SMYD3: variants seen among roughly 807,000 people sequenced by gnomAD.
SMYD3 encodes the protein SET and MYND domain containing 3, also known as histone-lysine N-methyltransferase SMYD3.
In SMYD3, 36 loss-of-function variants were observed where a neutral mutation model predicts 57.7. The observed-to-expected ratio is 0.62, with a 90% CI of 0.48 to 0.82. The LOEUF is 0.82. Ranked by LOEUF, SMYD3 falls within the 40% of genes least tolerant of loss-of-function variation. The pLI is 0.00. For missense variants in SMYD3, 515 were observed against 538.8 expected, an observed-to-expected ratio of 0.96 and a Z score of 0.44; for synonymous variants, 211 against 195.0, an observed-to-expected ratio of 1.08 and a Z score of -0.68.
intron 5 of SMYD3, among the ~76,000 whole-genome samples, chr1:246,011,258 C>T (rs149959701): frequency 6.6e-6 from 1 of 152,300 alleles, no homozygotes; most frequent in East Asian, 1.9e-4. Flanking sequence ...TCAAACACCA[C>T]CTTCCTCCTC....
At chr1:246,482,694 T>C (rs77179627) in intron 1 of SMYD3, among the ~76,000 whole-genome samples, 3,829 of 152,256 alleles carry the variant, frequency 0.025, 175 homozygotes, top group African/African-American at 0.085. Context: ...AAAAGACATA[T>C]AATTTTGGCC....
At chr1:246,360,748 A>G (rs2065974910) in intron 1 of SMYD3, among the ~76,000 whole-genome samples, 1 of 152,130 alleles carries the variant, frequency 6.6e-6, no homozygotes, top group Admixed American at 6.5e-5. Flanking sequence ...CAAGCCACCT[A>G]TAGAAGAATG....
intron 1 of SMYD3, among the ~76,000 whole-genome samples, chr1:246,446,282 A>C (rs2067550751): frequency 6.6e-6 from 1 of 152,218 alleles, no homozygotes; most frequent in African/African-American, 2.4e-5. Flanking sequence ...GTAAGCAGAG[A>C]ATCAAAGACA....
intron 8 of SMYD3, among the ~76,000 whole-genome samples, chr1:245,911,406 T>A (rs1006796862): frequency 6.6e-5 from 10 of 151,696 alleles, no homozygotes; most frequent in Admixed American, 5.9e-4. Flanking sequence ...CAAAGAGAGA[T>A]CTGCACTCCC....
intron 10 of SMYD3, among the ~76,000 whole-genome samples, chr1:245,793,138 T>C (rs10924337): frequency 1.4e-5 from 2 of 145,282 alleles, no homozygotes; most frequent in Admixed American, 6.8e-5. Flanking sequence ...TGAAACCCCG[T>C]CTCTACTAAA....
chr1:245,860,866 C>T (rs1022848860), intron 9 of SMYD3, among the ~76,000 whole-genome samples: 2 of 152,216 alleles, frequency 1.3e-5, no homozygotes, highest in Admixed American at 6.5e-5. Context: ...CATTGCTAGA[C>T]ATTTCTGTGG....
At position 246,288,899 on chromosome 1, in the gene SMYD3, A is replaced by C. The variant is rs189169444; in HGVS notation, c.531+38302T>G. Among the ~76,000 whole-genome samples, 261 of 152,136 alleles carry C rather than the reference A, an allele frequency of 1.7e-3. 4 individuals are homozygous for C. Among genetic ancestry groups the C allele is most frequent in the Non-Finnish European group, 4.1e-4 (28 of 67,986 alleles). ...AGACTGAGTTGTGTGGATCACCTGA[A>C]GGTCAGGAACTTGAGACCAGCTTGG... On this transcript the variant is annotated intron_variant, in intron 5 of 11. Coordinates refer to ENST00000490107, the MANE Select transcript of SMYD3 (RefSeq NM_001167740.2).
chr1:245,875,747 T>C (rs982185207), intron 8 of SMYD3, among the ~76,000 whole-genome samples: 1 of 152,244 alleles, frequency 6.6e-6, no homozygotes, highest in Non-Finnish European at 1.5e-5. Context: ...GTCATACTCA[T>C]TGTGGGCCAA....
At chr1:245,817,241 T>G (rs908375514) in intron 10 of SMYD3, among the ~76,000 whole-genome samples, 4 of 144,654 alleles carry the variant, frequency 2.8e-5, no homozygotes, top group Admixed American at 2.1e-4. Context: ...CCCTGACCCC[T>G]GACCCCCGAG....
At chr1:246,299,813 AAC>A (rs1338101344) in intron 5 of SMYD3, among the ~76,000 whole-genome samples, 5 of 151,808 alleles carry the variant, frequency 3.3e-5, no homozygotes, top group African/African-American at 1.2e-4. Flanking sequence ...GGAGAGGAAC[AAC>A]AGACACTGGG....
intron 1 of SMYD3, among the ~76,000 whole-genome samples, chr1:246,386,615 T>A (rs1558437890): frequency 6.6e-6 from 1 of 150,464 alleles, no homozygotes. Flanking sequence ...AATAGTGAGA[T>A]TTCACCTCTG....
intron 5 of SMYD3, among the ~76,000 whole-genome samples, chr1:246,016,775 A>T (rs1297716695): frequency 6.6e-6 from 1 of 152,106 alleles, no homozygotes; most frequent in Admixed American, 6.5e-5. Context: ...AAGGTCAAAG[A>T]AAAAGAAAAC....
Position 246,355,630 on chromosome 1 carries a change from G to C in SMYD3, c.165-536C>G, listed in dbSNP as rs1334879494. ...CGGTGGGAGTGAGACCAGCCTTTAGGACTGCGGGCTGTGTGGGAGTGGGAT... is the reference window on the plus strand; with the variant it reads ...CGGTGGGAGTGAGACCAGCCTTTAGCACTGCGGGCTGTGTGGGAGTGGGAT... On this transcript the variant is annotated intron_variant, in intron 1 of 11. Transcript: ENST00000490107. The surrounding 1 kb of genome is among the most constrained non-coding windows in gnomAD (Gnocchi z 5.0). 6.6e-6 allele frequency among the ~76,000 whole-genome samples: 1 copy of C among 152,130 alleles called. No homozygotes were observed. The highest frequency in any genetic ancestry group is 1.5e-5 in the Non-Finnish European group (1 of 68,014).
At chr1:245,882,541 T>C (rs1890813) in intron 8 of SMYD3, among the ~76,000 whole-genome samples, 151,847 of 152,258 alleles carry the variant, frequency 1, 75,720 homozygotes, top group Middle Eastern at 1. Context: ...GAGGAAAAAG[T>C]GAATGAAGTT....
intron 1 of SMYD3, among the ~76,000 whole-genome samples, chr1:246,462,771 G>GTAAA (rs2067822065): frequency 1.3e-5 from 2 of 152,160 alleles, no homozygotes; most frequent in African/African-American, 4.8e-5. Context: ...AAACAGATTA[G>GTAAA]TAAATAAGAA....
In SMYD3 at chr1:245,928,017, G is replaced by T; in HGVS notation, c.616C>A (p.His206Asn). 1 of 1,611,860 alleles carries T rather than the reference G, an allele frequency of 6.2e-7. No homozygotes were observed. Among genetic ancestry groups the T allele is most frequent in the South Asian group, 1.1e-5 (1 of 91,006 alleles). ...GLYPSISLLN[H>N]SCDPNCSIVF... The stretch of plus-strand genomic sequence containing the variant: ...ATCGAACAGTTGGGGTCACAGCTGT[G>T]ATTGAGCAAAGAGATACTGGAAAAA... The change falls in exon 7 of 12, where the codon CAC becomes AAC. Residue 206 changes from histidine (H) to asparagine (N), a missense_variant. His to Asn is a moderately conservative substitution (Grantham distance 68). Coordinates refer to ENST00000490107, the MANE Select transcript of SMYD3 (RefSeq NM_001167740.2).
chr1:245,793,576 T>C (rs1177672690), intron 10 of SMYD3, among the ~76,000 whole-genome samples: 2 of 151,888 alleles, frequency 1.3e-5, no homozygotes, highest in African/African-American at 4.8e-5. Context: ...CACTACTGTT[T>C]ACCATCACTT....
intron 5 of SMYD3, among the ~76,000 whole-genome samples, chr1:246,273,161 T>TTTTTTTTTTTTG (rs2064258201): frequency 3.1e-5 from 4 of 131,128 alleles, no homozygotes; most frequent in African/African-American, 8.5e-5. Context: ...TTCTTTTTTT[T>TTTTTTTTTTTTG]GGGGGGGGGA....
intron 8 of SMYD3, among the ~76,000 whole-genome samples, chr1:245,878,153 T>G (rs1411777746): frequency 6.6e-6 from 1 of 152,054 alleles, no homozygotes; most frequent in East Asian, 1.9e-4. Context: ...GAGTGATAAC[T>G]CCTATTGTGG....
Sources: allele counts gnomAD v4.1 joint callset (sites outside exome capture counted in the v4.1 genomes callset), GRCh38; gene constraint gnomAD v4.1.1; non-coding constraint Gnocchi (gnomAD v3.1); transcripts MANE v1.5; gene names NCBI Gene and HGNC (gene_info 2026-07-23, HGNC 2026-07-21).